Variants in STX8 observed in about 807,000 individuals in gnomAD.
STX8 encodes syntaxin 8.
In STX8, 23 loss-of-function variants were observed where a neutral mutation model predicts 37.5. The ratio of observed to expected loss-of-function variants is 0.61; its 90% CI spans 0.44 to 0.87. The LOEUF (loss-of-function observed/expected upper bound fraction) is 0.87, where lower values mean the gene tolerates loss of function less well. Ranked by LOEUF, STX8 falls within the 40% of genes least tolerant of loss-of-function variation. STX8 has a pLI of 0.00. For missense variants in STX8, 313 were observed against 284.7 expected (o/e 1.10, Z -0.71); for synonymous variants, 115 against 99.1 (o/e 1.16, Z -0.95).
At chr17:9,313,346 C>G (rs1479642696) in intron 7 of STX8, among the ~76,000 whole-genome samples, 1 of 152,062 alleles carries the variant, frequency 6.6e-6, no homozygotes, top group South Asian at 2.1e-4. Flanking sequence ...CAAAAGAGGG[C>G]TTTTTAAAAA....
chr17:9,337,614 G>A (rs534095755), intron 7 of STX8, among the ~76,000 whole-genome samples: 3 of 152,106 alleles, frequency 2.0e-5, no homozygotes, highest in East Asian at 1.9e-4. Context: ...TGATCTGCCC[G>A]CCTTGGCCTC....
chr17:9,391,126 T>C (rs115659297), intron 6 of STX8, among the ~76,000 whole-genome samples: 129 of 152,110 alleles, frequency 8.5e-4, no homozygotes, highest in East Asian at 4.4e-3. Flanking sequence ...CCAAAGTATA[T>C]AGAAGCATTA....
chr17:9,422,829 T>C (rs931146174), intron 6 of STX8, among the ~76,000 whole-genome samples: 1 of 152,230 alleles, frequency 6.6e-6, no homozygotes, highest in Non-Finnish European at 1.5e-5. Flanking sequence ...CCTTCAGAAG[T>C]GGCGATTTTC....
intron 5 of STX8, among the ~76,000 whole-genome samples, chr17:9,495,436 A>C (rs894709098): frequency 2.6e-5 from 4 of 152,206 alleles, no homozygotes; most frequent in African/African-American, 9.6e-5. Context: ...TTAAAAGATA[A>C]AACCATTTAA....
chr17:9,457,400 G>A lies in STX8; in HGVS notation c.541+34429C>T, dbSNP rs376912412. Among the ~76,000 whole-genome samples, 6 of 152,258 alleles carry A rather than the reference G, an allele frequency of 3.9e-5. No homozygotes were observed. The South Asian group carries it at 6.2e-4, about 16-fold the overall frequency. On this transcript the variant is annotated intron_variant, in intron 6 of 7. Coordinates refer to ENST00000306357, the MANE Select transcript of STX8 (RefSeq NM_004853.3). ...TCTTCTAAGCCAGCAATGACTGCTC[G>A]AGTCTCTCACATCACATCACTCTAA...
intron 1 of STX8, among the ~76,000 whole-genome samples, chr17:9,571,825 G>C (rs1163316091): frequency 6.6e-6 from 1 of 151,318 alleles, no homozygotes; most frequent in Non-Finnish European, 1.5e-5. Flanking sequence ...TGAGATAGGA[G>C]AATCACTTGA....
chr17:9,449,388 G>T (rs1484616881), intron 6 of STX8, among the ~76,000 whole-genome samples: 2 of 152,090 alleles, frequency 1.3e-5, no homozygotes, highest in Non-Finnish European at 2.9e-5. Context: ...GCGAAACCCC[G>T]TCTCCACTAA....
intron 6 of STX8, among the ~76,000 whole-genome samples, chr17:9,435,664 C>T (rs1188202144): frequency 6.6e-6 from 1 of 152,014 alleles, no homozygotes; most frequent in South Asian, 2.1e-4. Flanking sequence ...AACGAGCGTT[C>T]GATTAAAGAG....
intron 3 of STX8, among the ~76,000 whole-genome samples, chr17:9,552,148 G>A (rs991233924): frequency 6.6e-6 from 1 of 151,962 alleles, no homozygotes; most frequent in Non-Finnish European, 1.5e-5. Flanking sequence ...CTAGAAGTTC[G>A]AGACCAGCCT....
intron 5 of STX8, among the ~76,000 whole-genome samples, chr17:9,502,845 G>C (rs1043914459): frequency 6.6e-6 from 1 of 152,140 alleles, no homozygotes; most frequent in Admixed American, 6.5e-5. Flanking sequence ...GCTCATGCCT[G>C]TAATCCCAGC....
chr17:9,375,753 CAT>C (rs932349322), intron 7 of STX8, among the ~76,000 whole-genome samples: 3 of 152,122 alleles, frequency 2.0e-5, no homozygotes, highest in Admixed American at 6.6e-5. Flanking sequence ...CACATACATA[CAT>C]ATATATATTA....
chr17:9,509,691 A>T (rs1331437147), intron 4 of STX8, among the ~76,000 whole-genome samples: 1 of 152,198 alleles, frequency 6.6e-6, no homozygotes, highest in Non-Finnish European at 1.5e-5. Flanking sequence ...CCACAAAAAT[A>T]AACAGTAAGA....
intron 6 of STX8, among the ~76,000 whole-genome samples, chr17:9,399,631 C>T (rs1051201898): frequency 2.6e-5 from 4 of 151,816 alleles, no homozygotes; most frequent in South Asian, 2.1e-4. Context: ...TTTGGGAGGC[C>T]GAGGCAGGCA....
At chr17:9,390,551 G>C (rs900148866) in intron 6 of STX8, among the ~76,000 whole-genome samples, 4 of 150,184 alleles carry the variant, frequency 2.7e-5, no homozygotes, top group Non-Finnish European at 5.9e-5. Flanking sequence ...ACACAGGGTC[G>C]GTGCGGTGGC....
intron 2 of STX8, among the ~76,000 whole-genome samples, chr17:9,567,408 C>A (rs777827925): frequency 1.3e-5 from 2 of 152,086 alleles, no homozygotes; most frequent in Non-Finnish European, 2.9e-5. Flanking sequence ...TGTCGTGGTA[C>A]CTTATAGTAA....
chr17:9,421,239 G>A (rs183464516), intron 6 of STX8, among the ~76,000 whole-genome samples: 1,610 of 151,554 alleles, frequency 0.011, 10 homozygotes, highest in Non-Finnish European at 0.017. Context: ...CTAAATATAC[G>A]AAATTAGCCG....
At chr17:9,273,491 G>A (rs953103294) in intron 7 of STX8, 1 of 152,466 alleles carries the variant, frequency 6.6e-6, no homozygotes, top group African/African-American at 2.4e-5. Flanking sequence ...CCCCCAGCAG[G>A]GACCCCTCTC....
At chr17:9,414,915 C>A (rs140191324) in intron 6 of STX8, among the ~76,000 whole-genome samples, 5 of 151,318 alleles carry the variant, frequency 3.3e-5, no homozygotes, top group African/African-American at 1.2e-4. Context: ...CTCAGCCTCC[C>A]GAGTAGCTGG....
chr17:9,410,515 A>G (rs1912944309), intron 6 of STX8, among the ~76,000 whole-genome samples: 1 of 152,200 alleles, frequency 6.6e-6, no homozygotes, highest in South Asian at 2.1e-4. Context: ...ACGCTCAGTT[A>G]CTGGAGTTGT....
Sources: gnomAD v4.1 joint callset for allele counts (sites outside exome capture counted in the v4.1 genomes callset) on GRCh38, gnomAD v4.1.1 for gene constraint, MANE v1.5 for transcripts, NCBI Gene and HGNC (gene_info 2026-07-23, HGNC 2026-07-21) for gene names.